Variants in ZBTB45 observed in about 807,000 individuals in gnomAD.
ZBTB45 encodes zinc finger and BTB domain containing 45, also known as zinc finger and BTB domain-containing protein 45.
Under a neutral mutation model 28.4 loss-of-function variants are expected in ZBTB45, and 22 were observed. The observed-to-expected ratio is 0.77, with a 90% CI of 0.55 to 1.10. The LOEUF is 1.10. Among genes scored for constraint, ZBTB45 ranks in the 50% least tolerant of loss-of-function variants. The probability of loss-of-function intolerance (pLI) is 0.00; values close to 1 mark genes in which losing one functional copy is unlikely to be tolerated. For missense variants in ZBTB45, 656 were observed against 750.2 expected (o/e 0.87, Z 1.47); for synonymous variants, 361 against 332.3 (o/e 1.09, Z -0.94).
Position 58,517,320 on chromosome 19 carries a change from G to A in ZBTB45, c.354C>T (p.Cys118=). ...CTCGAGCGCGGGCGATAATCTGCGT[G>A]CATTCGTCGATAACTGTCTGTATGC... ...VLRIQTVIDE[C]TQIIARARAP... Residue 118 remains cysteine (C), a synonymous_variant, in exon 2 of 3, where the codon TGC becomes TGT. Coordinates refer to ENST00000594051, the MANE Select transcript of ZBTB45 (RefSeq NM_001316979.2). 6.2e-7 allele frequency: 1 copy of A among 1,609,138 alleles called. No individual in the cohort carries two copies. The highest frequency in any genetic ancestry group is 8.5e-7 in the Non-Finnish European group (1 of 1,179,446).
chr19:58,521,711 C>T (rs1264993012), upstream of ZBTB45, among the ~76,000 whole-genome samples: 2 of 152,190 alleles, frequency 1.3e-5, no homozygotes, highest in African/African-American at 4.8e-5. Flanking sequence ...TATTTGTTTC[C>T]CATCTGATGA....
chr19:58,526,600 C>T (rs1428435201), intron 1 of ZBTB45, among the ~76,000 whole-genome samples: 14 of 138,264 alleles, frequency 1.0e-4, no homozygotes, highest in South Asian at 2.4e-4. Context: ...GGCGGGATCT[C>T]GGCTCACTGC....
upstream of ZBTB45, among the ~76,000 whole-genome samples, chr19:58,524,487 A>C (rs2053596932): frequency 6.9e-6 from 1 of 145,130 alleles, no homozygotes; most frequent in South Asian, 2.2e-4. Context: ...GAACCCAAAG[A>C]CCTTAACCCT....
At chr19:58,537,881 A>C in intron 1 of ZBTB45, among the ~76,000 whole-genome samples, 1 of 149,328 alleles carries the variant, frequency 6.7e-6, no homozygotes, top group Admixed American at 6.7e-5. Context: ...CTTGTTGCCC[A>C]GGCTGGAGTG....
intron 1 of ZBTB45, among the ~76,000 whole-genome samples, chr19:58,530,159 G>A (rs2053628340): frequency 6.6e-6 from 1 of 151,544 alleles, no homozygotes; most frequent in Admixed American, 6.6e-5. Flanking sequence ...AGCCATGATG[G>A]CACCACTACA....
intron 1 of ZBTB45, chr19:58,518,897 C>T (rs1018372126): frequency 6.6e-6 from 1 of 152,244 alleles, no homozygotes; most frequent in African/African-American, 2.4e-5. Context: ...CCCTCGGGCT[C>T]TACTGGGGTC....
Position 58,517,001 on chromosome 19 carries a change from C to T in ZBTB45, c.673G>A (p.Gly225Ser), listed in dbSNP as rs1013366979. ...DDETDGEDGE[G>S]GGPGEGQAPP... ...GCCTGGCCCTCGCCTGGGCCGCCAC[C>T]TTCGCCATCCTCGCCATCGGTCTCA... The change falls in exon 2 of 3, where the codon GGT becomes AGT. Residue 225 changes from glycine (G) to serine (S), a missense_variant. By Grantham distance (56) the Gly-to-Ser change is moderately conservative. Transcript: ENST00000594051. The T allele has an allele frequency of 6.2e-7, 1 of 1,613,204 alleles. No individual in the cohort carries two copies. The highest frequency in any genetic ancestry group is 8.5e-7 in the Non-Finnish European group (1 of 1,179,994).
chr19:58,517,121 G>A lies in ZBTB45; in HGVS notation c.553C>T (p.Pro185Ser). Residue 185 changes from proline to serine, a missense_variant, in exon 2 of 3, where the codon CCA (proline) becomes TCA (serine). Pro to Ser is a moderately conservative substitution (Grantham distance 74, BLOSUM62 -1). Transcript: ENST00000594051. ...QPARLQLPAP[P>S]TPAKAEGPDA... ...GGCCCCTCAGCCTTGGCAGGTGTTG[G>A]GGGCGCTGGCAGCTGCAAACGCGCG... 1 of 1,612,856 alleles carries A rather than the reference G, an allele frequency of 6.2e-7. No individual in the cohort carries two copies. The highest frequency in any genetic ancestry group is 8.5e-7 in the Non-Finnish European group (1 of 1,179,836).
In ZBTB45 at chr19:58,514,034, G is replaced by A. The variant is rs781364922; in HGVS notation, c.*20C>T. ...GGGAGGCCCCGGATCCACCGTGGGC[G>A]AGGCCAGGCCCCAGCGCCATCAGGG... On this transcript the variant is annotated 3_prime_UTR_variant, in exon 3 of 3. Coordinates refer to ENST00000594051, the MANE Select transcript of ZBTB45 (RefSeq NM_001316979.2). The A allele has an allele frequency of 3.6e-6, 5 of 1,388,840 alleles. No homozygotes were observed. Among genetic ancestry groups the A allele is most frequent in the Admixed American group, 3.4e-5 (1 of 29,028 alleles). 86.0% of individuals were successfully genotyped at this position (1,388,840 alleles called of 1,614,324 possible).
upstream of ZBTB45, chr19:58,519,906 C>T (rs1016178985): frequency 6.6e-6 from 1 of 152,250 alleles, no homozygotes; most frequent in African/African-American, 2.4e-5. Context: ...TTATGGCGAT[C>T]AGCTCCCGCC....
chr19:58,514,079 T>G lies in ZBTB45; in HGVS notation c.1511A>C (p.His504Pro). 1 of 1,533,904 alleles carries G rather than the reference T, an allele frequency of 6.5e-7. No individual in the cohort carries two copies. Among genetic ancestry groups the G allele is most frequent in the South Asian group, 1.2e-5 (1 of 82,472 alleles). The change falls in exon 3 of 3, where the codon CAC becomes CCC. Residue 504 changes from histidine to proline, a missense_variant. This residue lies in a region of ZBTB45 where 103 missense variants were observed against 153.5 expected (regional missense o/e 0.67). Coordinates refer to ENST00000594051, the MANE Select transcript of ZBTB45 (RefSeq NM_001316979.2). Reference sequence around the variant, plus strand: ...TCAGGGCGCAGGGTGCGCCGCCAGGTGGCGCTCCAGCAGCGCGCGGTGCGA... The same window carrying G: ...TCAGGGCGCAGGGTGCGCCGCCAGGGGGCGCTCCAGCAGCGCGCGGTGCGA... ...VFSHRALLER[H>P]LAAHPAP is the part of the protein sequence containing the mutation.
At chr19:58,535,464 G>A (rs140477299) in intron 1 of ZBTB45, among the ~76,000 whole-genome samples, 1,555 of 151,866 alleles carry the variant, frequency 0.01, 28 homozygotes, top group African/African-American at 0.035. Flanking sequence ...GTGAAACCTC[G>A]TCTCTACTAA....
upstream of ZBTB45, among the ~76,000 whole-genome samples, chr19:58,524,437 G>GTA (rs1012569401): frequency 3.7e-5 from 4 of 108,720 alleles, no homozygotes; most frequent in African/African-American, 1.5e-4. Flanking sequence ...GTTCATATAT[G>GTA]TGTGTGTGTG....
intron 1 of ZBTB45, among the ~76,000 whole-genome samples, chr19:58,525,070 A>G (rs1384048216): frequency 6.6e-6 from 1 of 152,110 alleles, no homozygotes; most frequent in African/African-American, 2.4e-5. Context: ...AGCATGGGTC[A>G]GAGAACAGAC....
chr19:58,524,125 G>A (rs938357312), upstream of ZBTB45, among the ~76,000 whole-genome samples: 3 of 143,598 alleles, frequency 2.1e-5, no homozygotes, highest in African/African-American at 7.6e-5. Flanking sequence ...TCAGGACTTT[G>A]GGAGGCTGAG....
At chr19:58,536,479 A>G (rs1426075103) in intron 1 of ZBTB45, among the ~76,000 whole-genome samples, 1 of 150,746 alleles carries the variant, frequency 6.6e-6, no homozygotes, top group East Asian at 1.9e-4. Context: ...AAAAAAAAAA[A>G]AAAGAATACA....
chr19:58,531,469 A>G (rs2053635459), intron 1 of ZBTB45, among the ~76,000 whole-genome samples: 2 of 152,192 alleles, frequency 1.3e-5, no homozygotes, highest in Non-Finnish European at 2.9e-5. Context: ...CATGTACCTC[A>G]TAACATAAGC....
At chr19:58,514,452 A>G in intron 2 of ZBTB45, 142 bp from the exon 3 acceptor site, 1 of 1,065,952 alleles carries the variant, frequency 9.4e-7, no homozygotes, top group Non-Finnish European at 1.3e-6. Context: ...TCCCTTGCCT[A>G]TCAGAGAACC....
intron 1 of ZBTB45, among the ~76,000 whole-genome samples, chr19:58,529,084 C>CAAAAAA (rs1231496438): frequency 8.1e-5 from 5 of 61,422 alleles, no homozygotes; most frequent in African/African-American, 3.1e-4. Context: ...AACTCCATCT[C>CAAAAAA]AAAAAAAAAA....
Sources: allele counts gnomAD v4.1 joint callset (sites outside exome capture counted in the v4.1 genomes callset), GRCh38; gene constraint gnomAD v4.1.1; regional missense constraint gnomAD v4.1.1; transcripts MANE v1.5; gene names NCBI Gene and HGNC (gene_info 2026-07-23, HGNC 2026-07-21).